Variants in LRPPRC observed in about 807,000 individuals in gnomAD.
LRPPRC encodes the protein leucine-rich PPR motif-containing protein, mitochondrial.
LRPPRC carries 120 observed loss-of-function variants against 180.3 expected under a neutral mutation model. The observed-to-expected ratio is 0.67, with a 90% CI of 0.57 to 0.77. The LOEUF (loss-of-function observed/expected upper bound fraction) is 0.77. LRPPRC is among the 30% of genes least tolerant of loss of function. The pLI, the probability that LRPPRC is intolerant of heterozygous loss-of-function variation, is 0.00. For missense variants in LRPPRC, 2,012 were observed against 1,657.2 expected (o/e 1.21, Z -3.72); for synonymous variants, 723 against 600.0 (o/e 1.21, Z -3.00).
rs528659622 is a variant in LRPPRC at position 43,971,485 on chromosome 2, T to TAAAAAA, written c.1369+2116_1369+2121dup. Reference sequence around the variant, plus strand: ...AGGACCTCCTGAGGCTGTGTCACAGTAAAAAAAAAAAAAAAAAAAGAAAAA... The same window carrying TAAAAAA: ...AGGACCTCCTGAGGCTGTGTCACAGTAAAAAAAAAAAAAAAAAAAAAAAAAGAAAAA... On this transcript the variant is annotated intron_variant, in intron 11 of 37. Transcript: ENST00000260665. Among the ~76,000 whole-genome samples the TAAAAAA allele has an allele frequency of 3.8e-4, 24 of 62,350 alleles. 1 individual carries two copies. The highest frequency in any genetic ancestry group is 1.6e-3 in the East Asian group (5 of 3,190). 40.9% of individuals were successfully genotyped at this position (62,350 alleles called of 152,430 possible).
chr2:43,917,119 CA>C (rs1367678875), intron 29 of LRPPRC, among the ~76,000 whole-genome samples: 1 of 146,348 alleles, frequency 6.8e-6, no homozygotes, highest in Non-Finnish European at 1.5e-5. Context: ...CGGCTCACTA[CA>C]ACCTCCATCT....
intron 1 of LRPPRC, among the ~76,000 whole-genome samples, chr2:43,986,010 G>A (rs925476588): frequency 2.6e-5 from 4 of 152,308 alleles, no homozygotes; most frequent in Admixed American, 1.3e-4. Flanking sequence ...TTGCCATTCC[G>A]ATAGTGGTAT....
chr2:43,898,204 T>C (rs1343012457), intron 34 of LRPPRC, among the ~76,000 whole-genome samples: 2 of 152,144 alleles, frequency 1.3e-5, no homozygotes, highest in Admixed American at 1.3e-4. Context: ...TCACCCTTTA[T>C]AAAACTGTTA....
Position 43,905,753 on chromosome 2 carries a change from T to A in LRPPRC, c.3303A>T (p.Thr1101=), listed in dbSNP as rs770690377. The A allele has an allele frequency of 2.4e-5, 38 of 1,613,626 alleles. No individual in the cohort carries two copies. The highest frequency in any genetic ancestry group is 3.2e-5 in the Non-Finnish European group (38 of 1,179,586). ...AFAETHIKGF[T]LNDAANSRLI... ...GGCGGCTGTTGGCAGCATCGTTCAG[T>A]GTGAAGCCCTTGATGTGGGTCTCCG... The change falls in exon 31 of 38, where the codon ACA becomes ACT. Residue 1101 remains threonine (T), a synonymous_variant. Coordinates refer to ENST00000260665, the MANE Select transcript of LRPPRC (RefSeq NM_133259.4).
chr2:43,965,405 TA>T (rs1455208216), intron 11 of LRPPRC, among the ~76,000 whole-genome samples: 1 of 152,168 alleles, frequency 6.6e-6, no homozygotes, highest in African/African-American at 2.4e-5. Flanking sequence ...CAAAATAGAT[TA>T]AAGACTTAAA....
At chr2:43,988,038 C>T (rs953548920) in intron 1 of LRPPRC, among the ~76,000 whole-genome samples, 1 of 151,926 alleles carries the variant, frequency 6.6e-6, no homozygotes, top group East Asian at 1.9e-4. Context: ...GAAGTCCGTT[C>T]GAGACCAGCC....
intron 30 of LRPPRC, among the ~76,000 whole-genome samples, chr2:43,906,334 T>G (rs966712703): frequency 1.3e-5 from 2 of 152,210 alleles, no homozygotes; most frequent in African/African-American, 4.8e-5. Context: ...AAACTATTGG[T>G]ACTTTAAAAT....
intron 23 of LRPPRC, among the ~76,000 whole-genome samples, chr2:43,942,561 C>A (rs1020638246): frequency 6.6e-6 from 1 of 152,082 alleles, no homozygotes. Context: ...CATGTATTCA[C>A]ACATTTTTTT....
chr2:43,913,400 AG>A (rs1362224086), intron 29 of LRPPRC, among the ~76,000 whole-genome samples: 1 of 152,216 alleles, frequency 6.6e-6, no homozygotes, highest in Admixed American at 6.5e-5. Context: ...CTACGAATAT[AG>A]GGCTCAATGT....
At position 43,918,341 on chromosome 2, in the gene LRPPRC, T is replaced by C; in HGVS notation, c.2954A>G (p.Asn985Ser). The C allele has an allele frequency of 6.2e-7, 1 of 1,611,088 alleles. No homozygotes were observed. Among genetic ancestry groups the C allele is most frequent in the Non-Finnish European group, 8.5e-7 (1 of 1,177,270 alleles). The part of the protein sequence containing the change: ...DAVWNKIQEE[N>S]VIPREKTLRL... ...TAATGTCTTTTCACGAGGAATAACA[T>C]TTTCTTCTTGGATTTTATTCCAGAC... The change falls in exon 28 of 38, where the codon AAT becomes AGT. Residue 985 changes from asparagine (N) to serine (S), a missense_variant. Transcript: ENST00000260665.
intron 30 of LRPPRC, among the ~76,000 whole-genome samples, chr2:43,907,370 T>C (rs1048551908): frequency 6.6e-6 from 1 of 152,196 alleles, no homozygotes; most frequent in African/African-American, 2.4e-5. Context: ...TTTTAAAAAG[T>C]TGCGGGTAGA....
chr2:43,953,598 T>C (rs893556149), intron 14 of LRPPRC, among the ~76,000 whole-genome samples: 5 of 152,176 alleles, frequency 3.3e-5, no homozygotes, highest in African/African-American at 1.2e-4. Context: ...CAATTAAAAA[T>C]TTTAGATGCT....
intron 1 of LRPPRC, among the ~76,000 whole-genome samples, chr2:43,992,110 T>C (rs1688627336): frequency 6.6e-6 from 1 of 152,066 alleles, no homozygotes; most frequent in Admixed American, 6.6e-5. Context: ...GGTGCTTTAG[T>C]GATACACGGT....
At chr2:43,993,491 G>C (rs756286907) in intron 1 of LRPPRC, among the ~76,000 whole-genome samples, 1 of 152,176 alleles carries the variant, frequency 6.6e-6, no homozygotes, top group Non-Finnish European at 1.5e-5. Context: ...AAATTAAAGG[G>C]ACAGAGAAGT....
chr2:43,933,292 G>A (rs1450882882), intron 25 of LRPPRC, among the ~76,000 whole-genome samples: 1 of 152,094 alleles, frequency 6.6e-6, no homozygotes, highest in Non-Finnish European at 1.5e-5. Flanking sequence ...TGGGTTGTGT[G>A]CCTATATTTT....
intron 14 of LRPPRC, among the ~76,000 whole-genome samples, chr2:43,955,866 A>T (rs1227578570): frequency 6.6e-6 from 1 of 152,218 alleles, no homozygotes; most frequent in African/African-American, 2.4e-5. Flanking sequence ...TTACCACCCC[A>T]TAGTCTTCTT....
intron 14 of LRPPRC, among the ~76,000 whole-genome samples, chr2:43,954,697 A>G (rs1228726206): frequency 6.6e-6 from 1 of 152,214 alleles, no homozygotes; most frequent in Non-Finnish European, 1.5e-5. Context: ...AAACACATAT[A>G]CATATGGACA....
Position 43,995,989 on chromosome 2 carries a change from G to T in LRPPRC, c.-42C>A, listed in dbSNP as rs992080738. The stretch of plus-strand genomic sequence containing the variant: ...CAGCGGGAAGCACGCTCCGCCAGAA[G>T]GACAGGAGGAGCATGTGACCGCAGG... On this transcript the variant is annotated 5_prime_UTR_variant, in exon 1 of 38. Coordinates refer to ENST00000260665, the MANE Select transcript of LRPPRC (RefSeq NM_133259.4). The T allele has an allele frequency of 2.0e-6, 3 of 1,521,236 alleles. No homozygotes were observed. Among genetic ancestry groups the T allele is most frequent in the Admixed American group, 4.0e-5 (2 of 49,942 alleles). The allele number at this position is 1,521,236 out of a possible 1,614,324, so 94.2% of individuals were successfully genotyped here.
chr2:43,923,927 A>G (rs1020620209), intron 27 of LRPPRC, among the ~76,000 whole-genome samples: 11 of 152,198 alleles, frequency 7.2e-5, no homozygotes, highest in African/African-American at 2.7e-4. Flanking sequence ...CCTAAAATAC[A>G]GGTTTTTAAT....
Sources: allele counts gnomAD v4.1 joint callset (sites outside exome capture counted in the v4.1 genomes callset), GRCh38; gene constraint gnomAD v4.1.1; transcripts MANE v1.5; gene names NCBI Gene and HGNC (gene_info 2026-07-23, HGNC 2026-07-21).